Variants in UBA1 observed in about 807,000 individuals in gnomAD.
UBA1 encodes the protein ubiquitin-like modifier-activating enzyme 1.
In UBA1, 4 loss-of-function variants were observed where a neutral mutation model predicts 84.7. That is an observed-to-expected ratio of 0.05 (90% confidence interval 0.02 to 0.11). The LOEUF (loss-of-function observed/expected upper bound fraction) is 0.11. Ranked by LOEUF, UBA1 falls within the 10% of genes least tolerant of loss-of-function variation. The pLI, the probability that UBA1 is intolerant of heterozygous loss-of-function variation, is 1.00. For missense variants in UBA1, 513 were observed against 902.8 expected (o/e 0.57, Z 5.53); for synonymous variants, 364 against 362.6 (o/e 1.00, Z -0.04).
In UBA1 at chrX:47,202,217, C is replaced by T. The variant is rs143062483; in HGVS notation, c.873C>T (p.Ile291=). 6.5e-5 allele frequency: 78 copies of T among 1,208,481 alleles called. 1 individual carries two copies. In the African/African-American group the frequency reaches 1.0e-3, roughly 15 times the overall value. The change falls in exon 9 of 26, where the codon ATC becomes ATT. Residue 291 remains isoleucine, a synonymous_variant. Coordinates refer to ENST00000335972, the MANE Select transcript of UBA1 (RefSeq NM_003334.4). ...SNFSDYIRGG[I]VSQVKVPKKI... is the part of the protein sequence containing the mutation. ...TCTCCGACTACATCCGTGGAGGCAT[C>T]GTCAGTCAGGTCAAAGTACCTAAGA...
At chrX:47,202,589 C>T (rs1936459392) in intron 10 of UBA1, 49 bp from the exon 11 acceptor site, 9 of 1,208,768 alleles carry the variant, frequency 7.4e-6, no homozygotes, top group Non-Finnish European at 1.0e-5. Flanking sequence ...CACTCCCTGC[C>T]CTCACTGTGG....
rs369156519 is a variant in UBA1, at chrX:47,202,117, G to T, written c.812-39G>T. On this transcript the variant is annotated intron_variant, in intron 8 of 25. Coordinates refer to ENST00000335972, the MANE Select transcript of UBA1 (RefSeq NM_003334.4). ...TTGCAGGGGTTGTGGATTTTAGGGA[G>T]AATGGGTAGACTGACAGCTCTCTTC... 1.7e-5 allele frequency: 19 copies of T among 1,117,635 alleles called. No individual in the cohort carries two copies. In the African/African-American group the frequency reaches 3.3e-4, roughly 19 times the overall value. The allele number at this position is 1,117,635 out of a possible 1,213,427, so 92.1% of individuals were successfully genotyped here.
chrX:47,206,496 G>C, intron 16 of UBA1, 52 bp downstream of exon 16: 1 of 1,153,637 alleles, frequency 8.7e-7, no homozygotes, highest in South Asian at 1.8e-5. Context: ...CCAGGCTGCT[G>C]CCTCTCCGCC....
Position 47,209,518 on chromosome X carries a change from G to C in UBA1, c.1939-105G>C, listed in dbSNP as rs782534163. 1.3e-5 allele frequency: 10 copies of C among 744,196 alleles called. No individual in the cohort carries two copies. The Admixed American group carries it at 2.5e-4, about 18-fold the overall frequency. The allele number at this position is 744,196 out of a possible 1,213,427, so 61.3% of individuals were successfully genotyped here. A position where few individuals can be genotyped will look rare whatever the true frequency, so the allele number is the denominator to read the frequency against. On this transcript the variant is annotated intron_variant, in intron 16 of 25. Coordinates refer to ENST00000335972, the MANE Select transcript of UBA1 (RefSeq NM_003334.4). ...GGGCTTCCCCACTTCCAGAGTAGCT[G>C]TGCGCCTTGTACTTGCTTTATTCAC...
At chrX:47,214,044 G>A (rs1937040821) in intron 23 of UBA1, among the ~76,000 whole-genome samples, 1 of 111,242 alleles carries the variant, frequency 9.0e-6, no homozygotes, top group Non-Finnish European at 1.9e-5. Context: ...CACATTCCAG[G>A]CAGAGGGACC....
chrX:47,204,312 A>G (rs1556789874), intron 14 of UBA1, among the ~76,000 whole-genome samples: 1 of 109,718 alleles, frequency 9.1e-6, no homozygotes, highest in African/African-American at 3.3e-5. Flanking sequence ...AAGGATACAG[A>G]CCAAAATCAG....
intron 1 of UBA1, among the ~76,000 whole-genome samples, chrX:47,195,806 C>T (rs1211850832): frequency 9.0e-6 from 1 of 111,201 alleles, no homozygotes; most frequent in African/African-American, 3.3e-5. Flanking sequence ...TTAGAAACCT[C>T]TCCCAGCCCC....
rs868958168 is a variant in UBA1, at chrX:47,211,174, G to A, written c.2413G>A (p.Val805Ile). Residue 805 changes from valine (V) to isoleucine (I), a missense_variant, in exon 20 of 26, where the codon GTC (valine) becomes ATC (isoleucine). By Grantham distance (29) the Val-to-Ile change is conservative (BLOSUM62 3). Around this residue, in one of 6 missense-constraint regions of UBA1, gnomAD observed 151 missense variants for 260.1 expected, o/e 0.58. Transcript: ENST00000335972. ...CCCCGAATTCACCCCCAAGTCTGGCGTCAAGATCCATGTTTCTGACCAGGA... is the reference window on the plus strand; with the variant it reads ...CCCCGAATTCACCCCCAAGTCTGGCATCAAGATCCATGTTTCTGACCAGGA... ...QVPEFTPKSGVKIHVSDQELQ... is the reference protein window; with the variant it reads ...QVPEFTPKSGIKIHVSDQELQ... The A allele has an allele frequency of 8.3e-6, 10 of 1,209,800 alleles. No homozygotes were observed. The highest frequency in any genetic ancestry group is 5.2e-5 in the African/African-American group (3 of 57,207).
At chrX:47,195,608 C>T (rs782074295) in intron 1 of UBA1, among the ~76,000 whole-genome samples, 12 of 111,194 alleles carry the variant, frequency 1.1e-4, no homozygotes, top group Admixed American at 6.7e-4. Flanking sequence ...CTACCTTCAG[C>T]GCCTCCATGG....
At chrX:47,200,770 G>C in intron 5 of UBA1, 124 bp from the exon 6 acceptor site, 2 of 534,396 alleles carry the variant, frequency 3.7e-6, no homozygotes, top group Non-Finnish European at 6.6e-6. Context: ...ATGTGTTTGT[G>C]AAAGAGGCTG....
At position 47,194,176 on chromosome X, in the gene UBA1, G is replaced by T. The variant is rs1278134601; in HGVS notation, c.-1+152G>T. Among the ~76,000 whole-genome samples, 15 of 111,834 alleles carry T rather than the reference G, an allele frequency of 1.3e-4. No homozygotes were observed. The Admixed American group carries it at 1.4e-3, about 10-fold the overall frequency. The stretch of plus-strand genomic sequence containing the variant: ...GGGAGGGGGAGCGGATCCTGGGGCG[G>T]GGCCGACTTTCCCCGGCCAGGACCA... On this transcript the variant is annotated intron_variant, in intron 1 of 25. Coordinates refer to ENST00000335972, the MANE Select transcript of UBA1 (RefSeq NM_003334.4).
At chrX:47,209,284 G>A in intron 16 of UBA1, 2 of 413,244 alleles carry the variant, frequency 4.8e-6, no homozygotes, top group Non-Finnish European at 8.4e-6. Context: ...CTCCTGAGTA[G>A]CTGGGATTAC....
chrX:47,203,205 G>A lies in UBA1; in HGVS notation c.1410G>A (p.Lys470=), dbSNP rs782466449. 8.3e-7 allele frequency: 1 copy of A among 1,211,806 alleles called. No homozygotes were observed. The highest frequency in any genetic ancestry group is 2.2e-5 in the Admixed American group (1 of 46,099). ...SDLQEKLGKQ[K]YFLVGAGAIG... ...TGCAAGAGAAGCTGGGCAAGCAGAA[G>A]TATTTCCTGGTAAGTGGTCCCCTTG... is the stretch of plus-strand genomic sequence containing the variant. Residue 470 remains lysine (K), a synonymous_variant, in exon 13 of 26, where the codon AAG becomes AAA. Transcript: ENST00000335972.
intron 1 of UBA1, among the ~76,000 whole-genome samples, chrX:47,194,881 G>C (rs1556784981): frequency 1.8e-5 from 2 of 111,846 alleles, no homozygotes; most frequent in Non-Finnish European, 3.8e-5. Flanking sequence ...CAGGCACCTT[G>C]AACCCCCAGA....
rs1556793129 is a variant in UBA1, at chrX:47,210,844, C to G, written c.2202C>G (p.Leu734=). ...TCAAAAATCTCTCCATCCCTTAGCT[C>G]ACAAGCTCAGGAGCGCCGTTCTGGT... ...QLLHNFPPDQ[L]TSSGAPFWSG... Residue 734 remains leucine, a splice_region_variant and synonymous_variant, in exon 19 of 26, where the codon CTC becomes CTG. Transcript: ENST00000335972. 8.3e-7 allele frequency: 1 copy of G among 1,208,649 alleles called. No homozygotes were observed. The highest frequency in any genetic ancestry group is 1.8e-5 in the African/African-American group (1 of 57,021).
At chrX:47,207,819 T>C (rs1936736531) in intron 16 of UBA1, among the ~76,000 whole-genome samples, 1 of 112,350 alleles carries the variant, frequency 8.9e-6, no homozygotes, top group African/African-American at 3.2e-5. Flanking sequence ...CGCAGATTCC[T>C]GTTCTGTAAA....
intron 12 of UBA1, 29 bp from the exon 13 acceptor site, chrX:47,203,105 T>C (rs782741930): frequency 4.8e-5 from 58 of 1,208,630 alleles, no homozygotes; most frequent in Non-Finnish European, 6.3e-5. Flanking sequence ...GGGAGGCCTC[T>C]CTAACCCTCC....
At chrX:47,202,016 T>C (rs1284217289) in intron 8 of UBA1, 140 bp from the exon 9 acceptor site, 1 of 551,416 alleles carries the variant, frequency 1.8e-6, no homozygotes, top group African/African-American at 2.3e-5. Context: ...TGGTTTCTGA[T>C]GTCCAAGTGG....
chrX:47,210,724 G>T (rs782262118), intron 18 of UBA1, 118 bp from the exon 19 acceptor site: 3 of 734,340 alleles, frequency 4.1e-6, no homozygotes, highest in South Asian at 4.5e-5. Context: ...AGTCCGCATC[G>T]AGTGCCCAAC....
Sources: gnomAD v4.1 joint callset for allele counts (sites outside exome capture counted in the v4.1 genomes callset) on GRCh38, gnomAD v4.1.1 for gene constraint, gnomAD v4.1.1 regional missense constraint, MANE v1.5 for transcripts, NCBI Gene and HGNC (gene_info 2026-07-23, HGNC 2026-07-21) for gene names.